SLC2A13: variants seen among roughly 807,000 people sequenced by gnomAD.
The protein encoded by SLC2A13 is proton myo-inositol cotransporter.
SLC2A13 carries 32 observed loss-of-function variants against 64.4 expected under a neutral mutation model. The ratio of observed to expected loss-of-function variants is 0.50; its 90% CI spans 0.37 to 0.67. The LOEUF is 0.67. Among genes scored for constraint, SLC2A13 ranks in the 30% least tolerant of loss-of-function variants. The probability of loss-of-function intolerance (pLI) is 0.00; values close to 1 mark genes in which losing one functional copy is unlikely to be tolerated. For missense variants in SLC2A13, 743 were observed against 829.2 expected, an observed-to-expected ratio of 0.90 and a Z score of 1.28; for synonymous variants, 338 against 327.1, an observed-to-expected ratio of 1.03 and a Z score of -0.36.
In SLC2A13 at chr12:39,758,756, C is replaced by A. The variant is rs1321764068; in HGVS notation, c.*1270G>T. ...TTTACACAAGAAGGAAAAACTAAGC[C>A]AAGAATAAGAAAAACACAGAGACAA... is the stretch of plus-strand genomic sequence containing the variant. On this transcript the variant is annotated 3_prime_UTR_variant, in exon 10 of 10. Transcript: ENST00000280871. 2.7e-5 allele frequency: 4 copies of A among 150,434 alleles called. No homozygotes were observed. Among genetic ancestry groups the A allele is most frequent in the African/African-American group, 9.7e-5 (4 of 41,026 alleles). The allele number at this position is 150,434 out of a possible 1,614,324, so 9.3% of individuals were successfully genotyped here. A position where few individuals can be genotyped will look rare whatever the true frequency, so the allele number is the denominator to read the frequency against.
At chr12:40,083,359 C>A (rs1257286097) in intron 1 of SLC2A13, among the ~76,000 whole-genome samples, 1 of 152,150 alleles carries the variant, frequency 6.6e-6, no homozygotes, top group East Asian at 1.9e-4. Flanking sequence ...AGAACTTAAT[C>A]CCTTACACTG....
intron 1 of SLC2A13, among the ~76,000 whole-genome samples, chr12:40,051,396 A>C (rs1304749088): frequency 6.6e-6 from 1 of 152,188 alleles, no homozygotes; most frequent in Non-Finnish European, 1.5e-5. Context: ...AGCATCCATT[A>C]ATCAGTGAGT....
rs138028061 is a variant in SLC2A13 at position 39,922,145 on chromosome 12, C to A, written c.1034+29112G>T. Among the ~76,000 whole-genome samples the A allele has an allele frequency of 2.6e-5, 4 of 152,302 alleles. No individual in the cohort carries two copies. In the East Asian group the frequency reaches 7.7e-4, roughly 29 times the overall value. On this transcript the variant is annotated intron_variant, in intron 4 of 9. Transcript: ENST00000280871. ...TAAAAAAACCCAAAAAACCATTATT[C>A]TCTGTATCCACTGAAAAAATGAAAC...
intron 2 of SLC2A13, among the ~76,000 whole-genome samples, chr12:40,045,085 G>C (rs1948150967): frequency 6.6e-6 from 1 of 152,126 alleles, no homozygotes; most frequent in South Asian, 2.1e-4. Context: ...AATGGTATTT[G>C]CTACCAGACG....
At chr12:39,840,435 T>C (rs1455044097) in intron 6 of SLC2A13, among the ~76,000 whole-genome samples, 1 of 152,006 alleles carries the variant, frequency 6.6e-6, no homozygotes, top group Non-Finnish European at 1.5e-5. Flanking sequence ...AGGATGAAAA[T>C]CATACTCCTT....
chr12:39,760,973 C>CACACACACAT (rs1283150685), intron 9 of SLC2A13, among the ~76,000 whole-genome samples: 1 of 151,216 alleles, frequency 6.6e-6, no homozygotes, highest in African/African-American at 2.4e-5. Context: ...CACACACACA[C>CACACACACAT]ATAATTGAAT....
chr12:39,776,620 A>G (rs1940789653), intron 7 of SLC2A13, among the ~76,000 whole-genome samples: 1 of 152,368 alleles, frequency 6.6e-6, no homozygotes, highest in East Asian at 1.9e-4. Flanking sequence ...AGGGTCACGG[A>G]GTTGACAGTG....
At chr12:39,860,476 T>C (rs1943730647) in intron 6 of SLC2A13, among the ~76,000 whole-genome samples, 1 of 152,184 alleles carries the variant, frequency 6.6e-6, no homozygotes, top group Admixed American at 6.5e-5. Flanking sequence ...GCATGGATAA[T>C]AATTCTTCAT....
intron 7 of SLC2A13, among the ~76,000 whole-genome samples, chr12:39,828,705 T>G (rs1481335209): frequency 1.1e-5 from 1 of 93,656 alleles, no homozygotes; most frequent in Admixed American, 1.4e-4. Context: ...AGACTAGTAG[T>G]AACTTAGTTT....
intron 4 of SLC2A13, among the ~76,000 whole-genome samples, chr12:39,888,977 T>C (rs540358065): frequency 2.0e-5 from 3 of 152,254 alleles, no homozygotes; most frequent in East Asian, 1.9e-4. Flanking sequence ...GTTTACTTTA[T>C]AAAAATACAA....
chr12:39,979,263 C>A (rs957874226), intron 3 of SLC2A13, among the ~76,000 whole-genome samples: 8 of 136,032 alleles, frequency 5.9e-5, no homozygotes, highest in African/African-American at 1.9e-4. Context: ...AAACGCAGAG[C>A]GCCTCTCCTC....
intron 4 of SLC2A13, among the ~76,000 whole-genome samples, chr12:39,887,965 G>T (rs775393857): frequency 2.6e-5 from 4 of 152,246 alleles, no homozygotes; most frequent in Non-Finnish European, 5.9e-5. Context: ...GTTTGCCCCT[G>T]CTTCGTATCC....
intron 7 of SLC2A13, among the ~76,000 whole-genome samples, chr12:39,802,714 T>C (rs1319227394): frequency 6.6e-6 from 1 of 152,172 alleles, no homozygotes; most frequent in Non-Finnish European, 1.5e-5. Context: ...CATGTCCATA[T>C]ATATAGATAT....
Position 40,105,469 on chromosome 12 carries a change from T to C in SLC2A13, c.340A>G (p.Ser114Gly), listed in dbSNP as rs1939277271. The change falls in exon 1 of 10, where the codon AGT (serine) becomes GGT (glycine). Residue 114 changes from serine (S) to glycine (G), a missense_variant. Coordinates refer to ENST00000280871, the MANE Select transcript of SLC2A13 (RefSeq NM_052885.4). This position sits in a 1 kb window ranked among gnomAD's most constrained non-coding sequence, Gnocchi z 4.2. Reference protein sequence around the residue: ...GAMLLLKRQLSLDALWQELLV... With the variant: ...GAMLLLKRQLGLDALWQELLV... ...AGCTCCTGCCACAGCGCGTCCAGAC[T>C]GAGCTGCCGCTTGAGCAGCAGCATG... 6.4e-6 allele frequency: 10 copies of C among 1,564,430 alleles called. No homozygotes were observed. Among genetic ancestry groups the C allele is most frequent in the Non-Finnish European group, 8.7e-6 (10 of 1,155,300 alleles).
chr12:40,048,874 T>C (rs1948208484), intron 1 of SLC2A13, among the ~76,000 whole-genome samples: 1 of 152,164 alleles, frequency 6.6e-6, no homozygotes, highest in South Asian at 2.1e-4. Flanking sequence ...TGTGACTTTT[T>C]TCTTTAAATA....
chr12:39,945,342 T>C (rs1043284993), intron 4 of SLC2A13, among the ~76,000 whole-genome samples: 14 of 152,092 alleles, frequency 9.2e-5, no homozygotes, highest in Non-Finnish European at 1.3e-4. Flanking sequence ...TAGGTGAAGG[T>C]CTTTTTGTGA....
intron 7 of SLC2A13, among the ~76,000 whole-genome samples, chr12:39,826,003 T>C (rs1415824157): frequency 1.3e-5 from 2 of 152,152 alleles, no homozygotes; most frequent in South Asian, 2.1e-4. Flanking sequence ...AATATCTTTC[T>C]GTTGTTTTGT....
At chr12:39,972,964 G>T (rs1021214955) in intron 3 of SLC2A13, among the ~76,000 whole-genome samples, 2 of 152,108 alleles carry the variant, frequency 1.3e-5, no homozygotes, top group Non-Finnish European at 2.9e-5. Context: ...CTACTCAGGA[G>T]GCTGAGGCAG....
chr12:40,072,903 T>C (rs981726504), intron 1 of SLC2A13, among the ~76,000 whole-genome samples: 5 of 152,016 alleles, frequency 3.3e-5, no homozygotes, highest in African/African-American at 1.2e-4. Context: ...ATATTTATTG[T>C]TTTCATTTAT....
Sources: gnomAD v4.1 joint callset for allele counts (sites outside exome capture counted in the v4.1 genomes callset) on GRCh38, gnomAD v4.1.1 for gene constraint, Gnocchi (gnomAD v3.1) non-coding constraint, MANE v1.5 for transcripts, NCBI Gene and HGNC (gene_info 2026-07-23, HGNC 2026-07-21) for gene names.